The following PARD3B variants were observed in gnomAD, a reference collection of about 807,000 sequenced individuals.
PARD3B encodes par-3 family cell polarity regulator beta.
In PARD3B, 103 loss-of-function variants were observed where a neutral mutation model predicts 130.2. The ratio of observed to expected loss-of-function variants is 0.79; its 90% confidence interval spans 0.67 to 0.93. PARD3B has a LOEUF of 0.93. Ranked by LOEUF, PARD3B falls within the 40% of genes least tolerant of loss-of-function variation. PARD3B has a pLI of 0.00. For missense variants in PARD3B, 1,609 were observed against 1,499.2 expected (o/e 1.07, Z -1.21); for synonymous variants, 583 against 553.2 (o/e 1.05, Z -0.76).
At chr2:204,825,546 A>G (rs559505909) in intron 2 of PARD3B, among the ~76,000 whole-genome samples, 4 of 152,346 alleles carry the variant, frequency 2.6e-5, no homozygotes, top group Admixed American at 2.6e-4. Flanking sequence ...CTAGGCTACA[A>G]CTTCTTTGCG....
At position 205,263,034 on chromosome 2, in the gene PARD3B, C is replaced by T. The variant is rs1424067544; in HGVS notation, c.2185+17212C>T. Among the ~76,000 whole-genome samples, 3 of 151,796 alleles carry T rather than the reference C, an allele frequency of 2.0e-5. No homozygotes were observed. The highest frequency in any genetic ancestry group is 2.9e-5 in the Non-Finnish European group (2 of 67,934). On this transcript the variant is annotated intron_variant, in intron 16 of 22. Transcript: ENST00000406610. This position sits in a 1 kb window ranked among gnomAD's most constrained non-coding sequence, Gnocchi z 4.0. ...GACAATACAGAGCTAGATTGAAAGCCCAAGGTACTGCCATGGGGGTAATTT... is the reference window on the plus strand; with the variant it reads ...GACAATACAGAGCTAGATTGAAAGCTCAAGGTACTGCCATGGGGGTAATTT...
intron 1 of PARD3B, among the ~76,000 whole-genome samples, chr2:204,589,226 T>A (rs910105523): frequency 6.6e-6 from 1 of 152,122 alleles, no homozygotes; most frequent in Non-Finnish European, 1.5e-5. Flanking sequence ...ATAAAACAAC[T>A]ACTAGAAAAT....
rs548003399 is a variant in PARD3B, at chr2:205,037,508, CTATA to C, written c.395-10066_395-10063del. 5.5e-3 allele frequency among the ~76,000 whole-genome samples: 804 copies of C among 146,228 alleles called. 6 individuals are homozygous for C. Among genetic ancestry groups the C allele is most frequent in the African/African-American group, 0.019 (747 of 40,096 alleles). On this transcript the variant is annotated intron_variant, in intron 3 of 22. Transcript: ENST00000406610. ...CTATATATATAAAATATATAGTGGA[CTATA>C]TATATAAAATATGTATATAGTGTAC...
intron 1 of PARD3B, among the ~76,000 whole-genome samples, chr2:204,588,502 T>G (rs2032933323): frequency 6.6e-6 from 1 of 152,214 alleles, no homozygotes; most frequent in African/African-American, 2.4e-5. Context: ...TGCAAATATT[T>G]CCATTGGGCT....
At chr2:204,953,277 A>G (rs1194309460) in intron 2 of PARD3B, among the ~76,000 whole-genome samples, 3 of 152,182 alleles carry the variant, frequency 2.0e-5, no homozygotes, top group African/African-American at 7.2e-5. Context: ...ATGTTATTCA[A>G]CCATATGAAT....
At chr2:204,641,432 G>T (rs1559201260) in intron 1 of PARD3B, among the ~76,000 whole-genome samples, 1 of 150,174 alleles carries the variant, frequency 6.7e-6, no homozygotes, top group African/African-American at 2.5e-5. Flanking sequence ...TACTTATGTT[G>T]AAAAGTACTT....
rs897957901 is a variant in PARD3B, at chr2:205,378,718, G to A, written c.2631-22295G>A. ...ACGATCTCAGCTCACTGCAACCTCCGCCTCCCAGGTTCAAGTGATTCTCCT... is the reference window on the plus strand; with the variant it reads ...ACGATCTCAGCTCACTGCAACCTCCACCTCCCAGGTTCAAGTGATTCTCCT... On this transcript the variant is annotated intron_variant, in intron 18 of 22. Transcript: ENST00000406610. 8.1e-5 allele frequency among the ~76,000 whole-genome samples: 12 copies of A among 147,544 alleles called. No homozygotes were observed. The East Asian group carries it at 1.8e-3, about 22-fold the overall frequency.
rs1696570844 is a variant in PARD3B, at chr2:205,021,165, A to G, written c.395-26416A>G. ...AAAGCAAATTGGAATGATTTCATGA[A>G]CCTGTGTAGAGGTCTGCAACTGGAA... On this transcript the variant is annotated intron_variant, in intron 3 of 22. Coordinates refer to ENST00000406610, the MANE Select transcript of PARD3B (RefSeq NM_001302769.2). This position sits in a 1 kb window ranked among gnomAD's most constrained non-coding sequence, Gnocchi z 4.5. 6.6e-6 allele frequency among the ~76,000 whole-genome samples: 1 copy of G among 152,164 alleles called. No homozygotes were observed. Among genetic ancestry groups the G allele is most frequent in the Admixed American group, 6.6e-5 (1 of 15,266 alleles).
chr2:205,010,172 C>A (rs1282788173), intron 3 of PARD3B, among the ~76,000 whole-genome samples: 1 of 151,938 alleles, frequency 6.6e-6, no homozygotes, highest in Non-Finnish European at 1.5e-5. Flanking sequence ...GAGATCAGTT[C>A]CTTCATTATA....
At chr2:205,025,706 T>C (rs1408822878) in intron 3 of PARD3B, among the ~76,000 whole-genome samples, 1 of 152,112 alleles carries the variant, frequency 6.6e-6, no homozygotes, top group Non-Finnish European at 1.5e-5. Flanking sequence ...AGCAGATACA[T>C]AAATAACCAC....
intron 19 of PARD3B, among the ~76,000 whole-genome samples, chr2:205,431,792 A>G (rs1038390350): frequency 1.3e-5 from 2 of 152,162 alleles, no homozygotes; most frequent in African/African-American, 2.4e-5. Flanking sequence ...AAATGTGATC[A>G]TGTTTAGATT....
intron 16 of PARD3B, among the ~76,000 whole-genome samples, chr2:205,259,976 A>G (rs529222261): frequency 6.6e-6 from 1 of 152,272 alleles, no homozygotes; most frequent in South Asian, 2.1e-4. Flanking sequence ...TATTTTTACT[A>G]ATTTGTGCAT....
chr2:205,252,851 AC>A (rs2039915309), intron 16 of PARD3B, among the ~76,000 whole-genome samples: 4 of 47,932 alleles, frequency 8.3e-5, no homozygotes, highest in Admixed American at 2.4e-4. Flanking sequence ...CCCCCCCCCC[AC>A]CAAAAAAAAA....
chr2:204,852,525 A>G (rs550148390), intron 2 of PARD3B, among the ~76,000 whole-genome samples: 14 of 150,816 alleles, frequency 9.3e-5, no homozygotes, highest in South Asian at 2.1e-4. Context: ...GAAGTAAAAA[A>G]ATTTTGAATT....
At chr2:205,246,754 T>G (rs376771282) in intron 16 of PARD3B, among the ~76,000 whole-genome samples, 1 of 152,168 alleles carries the variant, frequency 6.6e-6, no homozygotes, top group Non-Finnish European at 1.5e-5. Context: ...AGGGCAAGAT[T>G]ATGATTTTTT....
At chr2:204,693,326 T>A (rs1212589026) in intron 2 of PARD3B, among the ~76,000 whole-genome samples, 1 of 152,030 alleles carries the variant, frequency 6.6e-6, no homozygotes, top group Non-Finnish European at 1.5e-5. Context: ...GTCTCTTCCT[T>A]ACCTGTCAGC....
chr2:204,964,314 C>A (rs1691018413), intron 2 of PARD3B, among the ~76,000 whole-genome samples: 1 of 152,114 alleles, frequency 6.6e-6, no homozygotes, highest in Admixed American at 6.6e-5. Flanking sequence ...TTCAGCAGAG[C>A]CGTCGTCACT....
At chr2:205,376,139 A>T (rs1199764857) in intron 18 of PARD3B, among the ~76,000 whole-genome samples, 1 of 152,178 alleles carries the variant, frequency 6.6e-6, no homozygotes, top group African/African-American at 2.4e-5. Flanking sequence ...AACTTTCCAT[A>T]ATCCTGTGAT....
intron 2 of PARD3B, among the ~76,000 whole-genome samples, chr2:204,888,548 A>C (rs548370642): frequency 4.6e-5 from 7 of 152,078 alleles, no homozygotes; most frequent in African/African-American, 1.7e-4. Context: ...TCTTGGCAAC[A>C]TGGTGAAACC....
Sources: allele counts gnomAD v4.1 joint callset (sites outside exome capture counted in the v4.1 genomes callset), GRCh38; gene constraint gnomAD v4.1.1; non-coding constraint Gnocchi (gnomAD v3.1); transcripts MANE v1.5; gene names NCBI Gene and HGNC (gene_info 2026-07-23, HGNC 2026-07-21).